Variants in SPATA31G1 observed in about 807,000 individuals in gnomAD.
The protein encoded by SPATA31G1 is spermatogenesis-associated protein 31G1.
At chr9:35,043,218 T>C in the SPATA31G1 span, 2 of 1,614,218 alleles carry the variant, frequency 1.2e-6, no homozygotes, top group Non-Finnish European at 1.7e-6. Flanking sequence ...CCAGCTCTTC[T>C]GGGGTCTCCC....
the SPATA31G1 span, chr9:35,044,775 C>T: frequency 6.2e-7 from 1 of 1,614,206 alleles, no homozygotes; most frequent in Non-Finnish European, 8.5e-7. Flanking sequence ...AGAAGTTCCC[C>T]AAGGCCCCAG....
the SPATA31G1 span, chr9:35,042,657 A>G: frequency 1.4e-5 from 17 of 1,194,094 alleles, no homozygotes; most frequent in Non-Finnish European, 2.0e-5. Flanking sequence ...TTCTAGATGT[A>G]GAATGAGGGA....
the SPATA31G1 span, chr9:35,042,982 A>C: frequency 6.2e-7 from 1 of 1,614,150 alleles, no homozygotes; most frequent in Non-Finnish European, 8.5e-7. Flanking sequence ...GATCCACTGA[A>C]GCCATGTTCT....
the SPATA31G1 span, chr9:35,045,932 T>C: frequency 2.0e-6 from 3 of 1,502,482 alleles, no homozygotes; most frequent in African/African-American, 2.8e-5. Flanking sequence ...AGGGGGAAGG[T>C]GGGGATGTGG....
chr9:35,044,755 T>C, the SPATA31G1 span: 2 of 1,614,118 alleles, frequency 1.2e-6, no homozygotes, highest in Non-Finnish European at 1.7e-6. Flanking sequence ...TGGAGAAATG[T>C]GCAACAAAGA....
At chr9:35,044,884 T>C in the SPATA31G1 span, 2 of 1,613,752 alleles carry the variant, frequency 1.2e-6, no homozygotes, top group South Asian at 1.1e-5. Context: ...CCCAAGGGAG[T>C]AACGTGCCCA....
At chr9:35,043,641 C>T in the SPATA31G1 span, 1 of 1,614,094 alleles carries the variant, frequency 6.2e-7, no homozygotes, top group African/African-American at 1.3e-5. Context: ...AGCTTTTGAG[C>T]CTCCGATGCC....
At chr9:35,044,356 G>C in the SPATA31G1 span, 17 of 1,614,060 alleles carry the variant, frequency 1.1e-5, no homozygotes, top group East Asian at 3.3e-4. Flanking sequence ...CTCAGAGTTA[G>C]ATCCATGGGG....
the SPATA31G1 span, chr9:35,045,369 C>T: frequency 6.2e-7 from 1 of 1,614,138 alleles, no homozygotes; most frequent in Non-Finnish European, 8.5e-7. Context: ...TGTGGACTAT[C>T]TATCTCCAGG....
chr9:35,043,106 G>C, the SPATA31G1 span: 1 of 1,614,196 alleles, frequency 6.2e-7, no homozygotes, highest in Non-Finnish European at 8.5e-7. Context: ...CAGTCATGCA[G>C]CCCGTGAGCC....
the SPATA31G1 span, chr9:35,044,849 G>A: frequency 6.2e-7 from 1 of 1,613,960 alleles, no homozygotes; most frequent in South Asian, 1.1e-5. Flanking sequence ...AAGCTGTGAA[G>A]ATTGAACGCA....
chr9:35,044,835 G>A, the SPATA31G1 span: 10 of 1,614,082 alleles, frequency 6.2e-6, 1 homozygote, highest in South Asian at 1.1e-4. Context: ...TCCCACCCTA[G>A]CTGAAGCTGT....
chr9:35,044,491 C>G, the SPATA31G1 span: 1 of 1,614,194 alleles, frequency 6.2e-7, no homozygotes, highest in Non-Finnish European at 8.5e-7. Flanking sequence ...GGAGTCTTGT[C>G]TGATTCTCAG....
chr9:35,044,247 GA>G, the SPATA31G1 span: 1 of 1,614,176 alleles, frequency 6.2e-7, no homozygotes, highest in East Asian at 2.2e-5. Flanking sequence ...CGCTACATCA[GA>G]AGCTACATGG....
chr9:35,041,354 A>G, the SPATA31G1 span: 1 of 229,144 alleles, frequency 4.4e-6, no homozygotes, highest in African/African-American at 2.4e-5. Context: ...AAGAGATGTT[A>G]CTATTTATTC....
the SPATA31G1 span, chr9:35,043,582 C>G: frequency 1.2e-6 from 2 of 1,614,190 alleles, no homozygotes; most frequent in Non-Finnish European, 1.7e-6. Context: ...GAAGTTCTCC[C>G]TGGATATGAG....
chr9:35,042,058 T>C, the SPATA31G1 span: 1 of 761,298 alleles, frequency 1.3e-6, no homozygotes, highest in Non-Finnish European at 2.0e-6. Flanking sequence ...GCCTGAAGCA[T>C]AATTCTGAAC....
At chr9:35,045,844 C>A in the SPATA31G1 span, 1 of 1,609,838 alleles carries the variant, frequency 6.2e-7, no homozygotes, top group Non-Finnish European at 8.5e-7. Context: ...AACCATCGAC[C>A]CCTACCCACC....
the SPATA31G1 span, chr9:35,043,294 G>T: frequency 0.74 from 1,199,813 of 1,613,916 alleles, 449,335 homozygotes; most frequent in Admixed American, 0.81. Flanking sequence ...CCTCTGAAGT[G>T]GTCTGTTTGT....
Sources: allele counts gnomAD v4.1 joint callset, GRCh38; gene constraint gnomAD v4.1.1; transcripts MANE v1.5; gene names NCBI Gene and HGNC (gene_info 2026-07-23, HGNC 2026-07-21).